NFX1: variants seen among roughly 807,000 people sequenced by gnomAD.
NFX1 encodes the protein nuclear transcription factor, X-box binding 1.
In NFX1, 69 loss-of-function variants were observed where a neutral mutation model predicts 137.2. The ratio of observed to expected loss-of-function variants is 0.50; its 90% confidence interval spans 0.41 to 0.61. The LOEUF (loss-of-function observed/expected upper bound fraction) is 0.61, where lower values mean the gene tolerates loss of function less well. Ranked by LOEUF, NFX1 falls within the 20% of genes least tolerant of loss-of-function variation. The pLI, the probability that NFX1 is intolerant of heterozygous loss-of-function variation, is 0.00. For synonymous variants in NFX1, 495 were observed against 474.1 expected (o/e 1.04, Z -0.57); for missense variants, 1,167 against 1,391.0 (o/e 0.84, Z 2.56).
chr9:33,356,516 T>A (rs994672911), intron 19 of NFX1, among the ~76,000 whole-genome samples: 2 of 152,206 alleles, frequency 1.3e-5, no homozygotes, highest in South Asian at 2.1e-4. Context: ...GTTAATATTA[T>A]CCAGTTTATT....
At chr9:33,366,074 C>T (rs1824160746) in intron 21 of NFX1, 1 of 152,698 alleles carries the variant, frequency 6.5e-6, no homozygotes, top group African/African-American at 2.4e-5. Flanking sequence ...CCTTCCCAGT[C>T]TCCTTACCCT....
At chr9:33,300,902 G>A (rs1821538352) in intron 2 of NFX1, among the ~76,000 whole-genome samples, 1 of 152,210 alleles carries the variant, frequency 6.6e-6, no homozygotes, top group Non-Finnish European at 1.5e-5. Flanking sequence ...CCATGGATCT[G>A]ATAGATTTAG....
At chr9:33,333,047 T>G (rs1822868855) in intron 11 of NFX1, among the ~76,000 whole-genome samples, 1 of 152,236 alleles carries the variant, frequency 6.6e-6, no homozygotes, top group South Asian at 2.1e-4. Context: ...GGTTTCACTG[T>G]GTTGGCCAGG....
Position 33,351,676 on chromosome 9 carries a change from T to G in NFX1, c.2541T>G (p.Leu847=), listed in dbSNP as rs1823641052. Residue 847 remains leucine (L), a synonymous_variant, in exon 16 of 24, where the codon CTT becomes CTG. Coordinates refer to ENST00000379540, the MANE Select transcript of NFX1 (RefSeq NM_002504.6). ...GACTCTGTCACAAAGGGGAGTGTCT[T>G]GTGGATGAGCCCTGCAAGCAGCCCT... is the stretch of plus-strand genomic sequence containing the variant. ...CQRLCHKGEC[L]VDEPCKQPCT... 1 of 1,614,130 alleles carries G rather than the reference T, an allele frequency of 6.2e-7. No individual in the cohort carries two copies. Among genetic ancestry groups the G allele is most frequent in the East Asian group, 2.2e-5 (1 of 44,876 alleles).
chr9:33,347,679 C>T lies in NFX1; in HGVS notation c.2424+562C>T, dbSNP rs139791512. On this transcript the variant is annotated intron_variant, in intron 15 of 23. Coordinates refer to ENST00000379540, the MANE Select transcript of NFX1 (RefSeq NM_002504.6). ...TTGATCCAGCAGTCCCACTACTGGG[C>T]GTCTACCCAGAAGAAAAGAAGTCAT... 1.0e-3 allele frequency: 434 copies of T among 428,914 alleles called. 1 individual carries two copies. Among genetic ancestry groups the T allele is most frequent in the African/African-American group, 7.8e-3 (380 of 49,028 alleles). The allele number at this position is 428,914 out of a possible 1,614,324, so 26.6% of individuals were successfully genotyped here. A position where few individuals can be genotyped will look rare whatever the true frequency, so the allele number is the denominator to read the frequency against.
intron 2 of NFX1, among the ~76,000 whole-genome samples, chr9:33,300,636 G>A (rs1821524282): frequency 6.6e-6 from 1 of 152,214 alleles, no homozygotes; most frequent in South Asian, 2.1e-4. Context: ...AGGTATTCAG[G>A]AATAGATCTG....
intron 5 of NFX1, 140 bp downstream of exon 5, chr9:33,307,439 T>C (rs1821792397): frequency 3.0e-6 from 2 of 671,582 alleles, no homozygotes; most frequent in East Asian, 5.3e-5. Flanking sequence ...CAAATCACCC[T>C]GTGCCAGGCA....
chr9:33,294,502 G>A lies in NFX1; in HGVS notation c.108G>A (p.Arg36=). 1 of 1,613,748 alleles carries A rather than the reference G, an allele frequency of 6.2e-7. No homozygotes were observed. The highest frequency in any genetic ancestry group is 8.5e-7 in the Non-Finnish European group (1 of 1,179,906). Residue 36 remains arginine (R), a synonymous_variant, in exon 2 of 24, where the codon AGG becomes AGA. Transcript: ENST00000379540. ...CTGGTCTAAATTGTGGGACTCAAAG[G>A]AGACTAGACTCTAATAGGATTGGTA... ...KNSGLNCGTQ[R]RLDSNRIGRR... is the part of the protein sequence containing the mutation.
intron 19 of NFX1, among the ~76,000 whole-genome samples, chr9:33,356,028 G>GGTTTATGT (rs1315218679): frequency 2.6e-5 from 4 of 152,064 alleles, no homozygotes; most frequent in Admixed American, 2.6e-4. Flanking sequence ...TGATTAATAG[G>GGTTTATGT]GTTTATGTGT....
At chr9:33,353,600 T>C (rs1823716907) in intron 17 of NFX1, among the ~76,000 whole-genome samples, 1 of 152,020 alleles carries the variant, frequency 6.6e-6, no homozygotes, top group African/African-American at 2.4e-5. Flanking sequence ...TTGAATATAA[T>C]TGAAGAGATA....
intron 21 of NFX1, 58 bp downstream of exon 21, chr9:33,364,832 A>G: frequency 1.3e-6 from 2 of 1,596,162 alleles, no homozygotes; most frequent in Non-Finnish European, 1.7e-6. Context: ...TGAAAAAAAA[A>G]AAGCAATCAA....
intron 12 of NFX1, among the ~76,000 whole-genome samples, chr9:33,342,011 G>A (rs1010112922): frequency 1.3e-5 from 2 of 151,910 alleles, no homozygotes; most frequent in Non-Finnish European, 1.5e-5. Context: ...AGCTACTCAG[G>A]AGGCTGAGGT....
At chr9:33,328,215 C>T (rs1387002995) in intron 9 of NFX1, among the ~76,000 whole-genome samples, 1 of 150,950 alleles carries the variant, frequency 6.6e-6, no homozygotes, top group Non-Finnish European at 1.5e-5. Context: ...TTGGTAGACA[C>T]AGGGTTTCAC....
chr9:33,326,693 T>A (rs745552898), intron 9 of NFX1, among the ~76,000 whole-genome samples: 6 of 152,212 alleles, frequency 3.9e-5, no homozygotes, highest in Non-Finnish European at 5.9e-5. Flanking sequence ...CATTCCAGCC[T>A]GAGTGACAAG....
At chr9:33,306,072 AT>A (rs1821743139) in intron 4 of NFX1, among the ~76,000 whole-genome samples, 1 of 152,168 alleles carries the variant, frequency 6.6e-6, no homozygotes, top group Non-Finnish European at 1.5e-5. Context: ...AGGGCACTGT[AT>A]TGGAGCAAAA....
intron 15 of NFX1, among the ~76,000 whole-genome samples, chr9:33,350,930 G>C (rs566263111): frequency 6.6e-6 from 1 of 152,262 alleles, no homozygotes; most frequent in African/African-American, 2.4e-5. Flanking sequence ...TGGATCACTT[G>C]AAGTCAGGAG....
At chr9:33,329,855 T>A (rs1443329745) in intron 10 of NFX1, among the ~76,000 whole-genome samples, 1 of 151,990 alleles carries the variant, frequency 6.6e-6, no homozygotes, top group Non-Finnish European at 1.5e-5. Flanking sequence ...GACGGGATTT[T>A]GCCATGTTGG....
intron 23 of NFX1, 33 bp from the exon 24 acceptor site, chr9:33,369,873 G>T (rs993334485): frequency 6.5e-7 from 1 of 1,534,720 alleles, no homozygotes; most frequent in South Asian, 1.1e-5. Flanking sequence ...CCCCAAAGAA[G>T]AAAAGACTGA....
intron 11 of NFX1, among the ~76,000 whole-genome samples, chr9:33,335,227 C>CTTTT (rs57459026): frequency 6.9e-5 from 9 of 130,514 alleles, no homozygotes; most frequent in East Asian, 2.1e-4. Context: ...CTTTCTTTTT[C>CTTTT]TTTTTTTTTT....
Sources: allele counts gnomAD v4.1 joint callset (sites outside exome capture counted in the v4.1 genomes callset), GRCh38; gene constraint gnomAD v4.1.1; transcripts MANE v1.5; gene names NCBI Gene and HGNC (gene_info 2026-07-23, HGNC 2026-07-21).